SLC6A11: variants seen among roughly 807,000 people sequenced by gnomAD.
The protein encoded by SLC6A11 is solute carrier family 6 member 11.
SLC6A11 carries 25 observed loss-of-function variants against 74.8 expected under a neutral mutation model. The observed-to-expected ratio is 0.33, with a 90% CI of 0.24 to 0.47. The LOEUF is 0.47. SLC6A11 is among the 20% of genes least tolerant of loss of function. SLC6A11 has a pLI of 1.00. For synonymous variants in SLC6A11, 330 were observed against 330.2 expected, an observed-to-expected ratio of 1.00 and a Z score of 0.01; for missense variants, 574 against 837.0, an observed-to-expected ratio of 0.69 and a Z score of 3.88.
chr3:10,898,094 C>G (rs1371159436), intron 6 of SLC6A11, among the ~76,000 whole-genome samples: 1 of 152,180 alleles, frequency 6.6e-6, no homozygotes, highest in East Asian at 1.9e-4. Context: ...GGACACAAGG[C>G]ACCATGTCCC....
intron 10 of SLC6A11, among the ~76,000 whole-genome samples, chr3:10,932,049 C>A (rs548706349): frequency 9.3e-5 from 12 of 128,896 alleles, no homozygotes; most frequent in African/African-American, 3.9e-4. Flanking sequence ...AGCTCTTTGA[C>A]ACTTTTATTT....
chr3:10,841,068 G>T (rs1209040168), intron 4 of SLC6A11, among the ~76,000 whole-genome samples: 1 of 152,066 alleles, frequency 6.6e-6, no homozygotes, highest in African/African-American at 2.4e-5. Flanking sequence ...GCCTGAAAAG[G>T]GTGCTTCATG....
intron 6 of SLC6A11, among the ~76,000 whole-genome samples, chr3:10,876,534 C>A (rs1189086383): frequency 3.3e-5 from 5 of 152,022 alleles, no homozygotes; most frequent in Non-Finnish European, 7.4e-5. Flanking sequence ...TGAGTGTCAC[C>A]CAGAGTTTCC....
Position 10,844,276 on chromosome 3 carries a change from C to T in SLC6A11, c.686C>T (p.Ala229Val). The stretch of plus-strand genomic sequence containing the variant: ...ATCGGGAACCTTCGCTGGGAGCTGG[C>T]CTTGTGTCTCTTGGCAGCCTGGACC... ...EHIGNLRWEL[A>V]LCLLAAWTIC... Residue 229 changes from alanine to valine, a missense_variant, in exon 5 of 14, where the codon GCC becomes GTC. Ala to Val is a moderately conservative substitution (Grantham distance 64, BLOSUM62 0). Coordinates refer to ENST00000254488, the MANE Select transcript of SLC6A11 (RefSeq NM_014229.3). 6.2e-7 allele frequency: 1 copy of T among 1,614,180 alleles called. No individual in the cohort carries two copies. The highest frequency in any genetic ancestry group is 2.2e-5 in the East Asian group (1 of 44,878).
chr3:10,843,878 G>C (rs909903383), intron 4 of SLC6A11, among the ~76,000 whole-genome samples: 2 of 152,242 alleles, frequency 1.3e-5, no homozygotes, highest in African/African-American at 4.8e-5. Flanking sequence ...TCCCTTCAGG[G>C]AGGAACATAG....
chr3:10,835,090 C>T (rs567883431), intron 4 of SLC6A11, among the ~76,000 whole-genome samples: 38 of 152,202 alleles, frequency 2.5e-4, no homozygotes, highest in Non-Finnish European at 4.4e-4. Flanking sequence ...CACCCATCCG[C>T]GACACACAGT....
chr3:10,920,100 C>T (rs1379343733), intron 8 of SLC6A11, among the ~76,000 whole-genome samples: 1 of 152,166 alleles, frequency 6.6e-6, no homozygotes, highest in African/African-American at 2.4e-5. Flanking sequence ...CTGTAAAGTG[C>T]GCACCCTGAA....
intron 9 of SLC6A11, among the ~76,000 whole-genome samples, chr3:10,928,009 G>T (rs1218386074): frequency 6.6e-6 from 1 of 152,112 alleles, no homozygotes. Context: ...GCCACTTATC[G>T]CCTGGGTGAC....
At chr3:10,928,642 A>T (rs1335660386) in intron 9 of SLC6A11, among the ~76,000 whole-genome samples, 1 of 152,166 alleles carries the variant, frequency 6.6e-6, no homozygotes, top group Non-Finnish European at 1.5e-5. Flanking sequence ...GCAGAGACAA[A>T]GAGCTGGAAG....
chr3:10,899,194 C>A lies in SLC6A11; in HGVS notation c.892-12896C>A, dbSNP rs555357073. On this transcript the variant is annotated intron_variant, in intron 6 of 13. Transcript: ENST00000254488. ...GACACAGAGCCAAACCATATCAATG[C>A]AGAAATTTCCTCTCTGCATCTCCGA... is the stretch of plus-strand genomic sequence containing the variant. 4.6e-5 allele frequency among the ~76,000 whole-genome samples: 7 copies of A among 152,280 alleles called. No homozygotes were observed. In the East Asian group the frequency reaches 1.2e-3, roughly 25 times the overall value.
intron 5 of SLC6A11, among the ~76,000 whole-genome samples, chr3:10,867,419 C>T (rs560148864): frequency 6.6e-6 from 1 of 152,324 alleles, no homozygotes; most frequent in African/African-American, 2.4e-5. Flanking sequence ...GGGAAAGAAC[C>T]TACTCAAGTG....
chr3:10,816,659 C>G lies in SLC6A11; in HGVS notation c.256+138C>G, dbSNP rs1024060710. 2 of 906,164 alleles carry G rather than the reference C, an allele frequency of 2.2e-6. No individual in the cohort carries two copies. The highest frequency in any genetic ancestry group is 4.3e-5 in the South Asian group (2 of 46,626). The allele number at this position is 906,164 out of a possible 1,614,324, so 56.1% of individuals were successfully genotyped here. On this transcript the variant is annotated intron_variant, in intron 1 of 13. Transcript: ENST00000254488. The surrounding 1 kb of genome is among the most constrained non-coding windows in gnomAD (Gnocchi z 4.2). ...GAGAACCTCGACTCCAGGCACCTCGCGTGTGAGCTCGCCCCGGAGCGCGGC... is the reference window on the plus strand; with the variant it reads ...GAGAACCTCGACTCCAGGCACCTCGGGTGTGAGCTCGCCCCGGAGCGCGGC...
chr3:10,817,784 A>T (rs1396050503), intron 1 of SLC6A11, among the ~76,000 whole-genome samples: 2 of 152,132 alleles, frequency 1.3e-5, no homozygotes, highest in Admixed American at 6.5e-5. Context: ...TGCACTGGTA[A>T]TGAAGTGGCC....
rs1325106054 is a variant in SLC6A11 at position 10,816,837 on chromosome 3, A to C, written c.256+316A>C. Among the ~76,000 whole-genome samples, 1 of 152,230 alleles carries C rather than the reference A, an allele frequency of 6.6e-6. No homozygotes were observed. The highest frequency in any genetic ancestry group is 2.4e-5 in the African/African-American group (1 of 41,474). On this transcript the variant is annotated intron_variant, in intron 1 of 13. Transcript: ENST00000254488. This position sits in a 1 kb window ranked among gnomAD's most constrained non-coding sequence, Gnocchi z 4.2. ...GGGTAGGCGCCCTGGTGTTTCGGGC[A>C]CTTGGCCCCTTGGAGCCTCAGCTTT...
At chr3:10,911,598 T>G (rs1397153697) in intron 6 of SLC6A11, among the ~76,000 whole-genome samples, 1 of 152,164 alleles carries the variant, frequency 6.6e-6, no homozygotes, top group East Asian at 1.9e-4. Flanking sequence ...TATGACACTT[T>G]TCTCATGGTG....
At chr3:10,903,825 G>A (rs1314344740) in intron 6 of SLC6A11, among the ~76,000 whole-genome samples, 1 of 152,238 alleles carries the variant, frequency 6.6e-6, no homozygotes, top group Non-Finnish European at 1.5e-5. Context: ...ACTTCTGTGT[G>A]TGAGAGAGAC....
chr3:10,839,684 C>T (rs1398276975), intron 4 of SLC6A11, among the ~76,000 whole-genome samples: 5 of 152,210 alleles, frequency 3.3e-5, no homozygotes, highest in African/African-American at 9.6e-5. Flanking sequence ...TCTGTCTGCA[C>T]GTCTTTTCTG....
intron 4 of SLC6A11, 198 bp downstream of exon 4, chr3:10,823,590 T>C (rs1242900744): frequency 1.8e-6 from 1 of 545,362 alleles, no homozygotes; most frequent in Non-Finnish European, 3.3e-6. Flanking sequence ...CTGAGAGAAA[T>C]GTTTTCTTGT....
chr3:10,890,511 G>A (rs377189330), intron 6 of SLC6A11, among the ~76,000 whole-genome samples: 2 of 152,228 alleles, frequency 1.3e-5, no homozygotes, highest in African/African-American at 2.4e-5. Flanking sequence ...AGAGATAGGC[G>A]GTGTGGTGCT....
Sources: allele counts gnomAD v4.1 joint callset (sites outside exome capture counted in the v4.1 genomes callset), GRCh38; gene constraint gnomAD v4.1.1; non-coding constraint Gnocchi (gnomAD v3.1); transcripts MANE v1.5; gene names NCBI Gene and HGNC (gene_info 2026-07-23, HGNC 2026-07-21).